YLPM1: variants seen among roughly 807,000 people sequenced by gnomAD.
YLPM1 encodes YLP motif containing 1.
A neutral mutation model predicts 230.0 loss-of-function variants in YLPM1; 99 were observed. The ratio of observed to expected loss-of-function variants is 0.43; its 90% CI spans 0.37 to 0.51. The LOEUF is 0.51. Among genes scored for constraint, YLPM1 ranks in the 20% least tolerant of loss-of-function variants. YLPM1 has a pLI of 0.00. For synonymous variants in YLPM1, 984 were observed against 942.5 expected (o/e 1.04, Z -0.81); for missense variants, 2,592 against 2,707.7 (o/e 0.96, Z 0.95).
rs749735355 is a variant in YLPM1, at chr14:74,835,876, G to GT, written c.*146dup. On this transcript the variant is annotated 3_prime_UTR_variant, in exon 21 of 21. Coordinates refer to ENST00000325680, the MANE Select transcript of YLPM1 (RefSeq NM_019589.3). ...TTCTTGTTTTGTTTCTACTGCTTTA[G>GT]TTTTTTTTAAAGTTCTCCAGTGTCC... The GT allele has an allele frequency of 3.7e-5, 17 of 455,764 alleles. No individual in the cohort carries two copies. The highest frequency in any genetic ancestry group is 2.0e-4 in the South Asian group (13 of 64,512). 28.2% of individuals were successfully genotyped at this position (455,764 alleles called of 1,614,324 possible).
In YLPM1 at chr14:74,795,703, A is replaced by AT. The variant is rs1207879408; in HGVS notation, c.2283-1872dup. Among the ~76,000 whole-genome samples the AT allele has an allele frequency of 3.3e-5, 5 of 152,220 alleles. No individual in the cohort carries two copies. The East Asian group carries it at 5.8e-4, about 18-fold the overall frequency. On this transcript the variant is annotated intron_variant, in intron 4 of 20. Coordinates refer to ENST00000325680, the MANE Select transcript of YLPM1 (RefSeq NM_019589.3). The stretch of plus-strand genomic sequence containing the variant: ...TTTAAACTTTTTGTCTCTGTCCACT[A>AT]TTTTTCTGCTAAAGCAATCTTTTAA...
chr14:74,812,855 ATTTC>A (rs1343427340), intron 11 of YLPM1, 73 bp downstream of exon 11: 17 of 1,486,238 alleles, frequency 1.1e-5, no homozygotes, highest in East Asian at 9.8e-5. Flanking sequence ...CCTGAAAAGA[ATTTC>A]TTTATTTTTC....
At chr14:74,788,835 C>CA (rs988775323) in intron 4 of YLPM1, among the ~76,000 whole-genome samples, 37 of 149,106 alleles carry the variant, frequency 2.5e-4, no homozygotes, top group African/African-American at 4.7e-4. Context: ...GATCCTGACT[C>CA]AAAAAAAAAG....
At chr14:74,832,143 A>G (rs180675890) in intron 19 of YLPM1, among the ~76,000 whole-genome samples, 13 of 152,358 alleles carry the variant, frequency 8.5e-5, no homozygotes, top group African/African-American at 2.4e-4. Flanking sequence ...TTATTTTTAC[A>G]GGAAAAAACA....
chr14:74,796,753 T>C (rs1276627468), intron 4 of YLPM1, among the ~76,000 whole-genome samples: 1 of 150,168 alleles, frequency 6.7e-6, no homozygotes, highest in Admixed American at 6.6e-5. Context: ...ACTGTTTCTT[T>C]TTTTTTTTTT....
intron 18 of YLPM1, 78 bp downstream of exon 18, chr14:74,824,385 C>G: frequency 2.1e-6 from 3 of 1,437,172 alleles, no homozygotes; most frequent in South Asian, 2.5e-5. Flanking sequence ...ATAAGAGGAA[C>G]AAATTTCCTA....
chr14:74,790,448 C>T (rs2091195097), intron 4 of YLPM1, among the ~76,000 whole-genome samples: 1 of 152,058 alleles, frequency 6.6e-6, no homozygotes, highest in African/African-American at 2.4e-5. Context: ...TAATATGTTT[C>T]TGCAAATAGT....
At chr14:74,805,007 C>T (rs997719626) in intron 6 of YLPM1, among the ~76,000 whole-genome samples, 1 of 149,988 alleles carries the variant, frequency 6.7e-6, no homozygotes, top group African/African-American at 2.4e-5. Flanking sequence ...TTTTAGATAA[C>T]TCCTTTTCTT....
At chr14:74,791,427 A>G (rs1215831212) in intron 4 of YLPM1, among the ~76,000 whole-genome samples, 1 of 152,154 alleles carries the variant, frequency 6.6e-6, no homozygotes, top group African/African-American at 2.4e-5. Context: ...AAAACAAAGC[A>G]CCCTACCCTT....
Position 74,781,775 on chromosome 14 carries a change from A to G in YLPM1, c.1732A>G (p.Met578Val), listed in dbSNP as rs2091096179. ...SLPTSVPPPGMPPSLSSAGPP... is the reference protein window; with the variant it reads ...SLPTSVPPPGVPPSLSSAGPP... ...ACCAACCTCTGTTCCCCCACCAGGG[A>G]TGCCTCCTTCTCTCTCTTCTGCAGG... Residue 578 changes from methionine to valine, a missense_variant, in exon 4 of 21, where the codon ATG becomes GTG. By Grantham distance (21) the Met-to-Val change is conservative. Transcript: ENST00000325680. 2.5e-6 allele frequency: 4 copies of G among 1,591,526 alleles called. No homozygotes were observed. In the African/African-American group the frequency reaches 4.4e-5, roughly 17 times the overall value.
intron 18 of YLPM1, chr14:74,827,907 G>A: frequency 4.1e-6 from 4 of 985,310 alleles, no homozygotes; most frequent in Non-Finnish European, 4.8e-6. Context: ...TTAGAAGACT[G>A]GATCTGTGGA....
chr14:74,812,588 C>G (rs768745667), intron 10 of YLPM1, 40 bp from the exon 11 acceptor site: 2 of 1,577,832 alleles, frequency 1.3e-6, no homozygotes, highest in Non-Finnish European at 8.6e-7. Flanking sequence ...AAAATAATTA[C>G]TCTACAAATA....
Position 74,781,404 on chromosome 14 carries a change from A to G in YLPM1, c.1361A>G (p.Glu454Gly), listed in dbSNP as rs752665257. The G allele has an allele frequency of 6.3e-7, 1 of 1,599,846 alleles. No individual in the cohort carries two copies. Among genetic ancestry groups the G allele is most frequent in the African/African-American group, 1.3e-5 (1 of 74,672 alleles). The change falls in exon 4 of 21, where the codon GAA becomes GGA. Residue 454 changes from glutamate (E) to glycine (G), a missense_variant. Around this residue, in one of 4 missense-constraint regions of YLPM1, gnomAD observed 1,862 missense variants for 1,819.8 expected, o/e 1.02. Coordinates refer to ENST00000325680, the MANE Select transcript of YLPM1 (RefSeq NM_019589.3). ...QQQQFQHLYQ[E>G]WEREFQLWEE... ...CAACAGTTTCAACATCTTTACCAAG[A>G]ATGGGAGCGAGAGTTTCAGCTATGG...
At chr14:74,804,038 T>G (rs2091353971) in intron 6 of YLPM1, among the ~76,000 whole-genome samples, 1 of 152,028 alleles carries the variant, frequency 6.6e-6, no homozygotes, top group Non-Finnish European at 1.5e-5. Flanking sequence ...ATGCCTGTAA[T>G]CCCAGCTACT....
Position 74,802,075 on chromosome 14 carries a change from G to A in YLPM1, c.4401-481G>A, listed in dbSNP as rs553055804. Among the ~76,000 whole-genome samples the A allele has an allele frequency of 7.9e-4, 120 of 152,052 alleles. 3 individuals are homozygous for A. In the South Asian group the frequency reaches 0.024, roughly 30 times the overall value. On this transcript the variant is annotated intron_variant, in intron 5 of 20. Coordinates refer to ENST00000325680, the MANE Select transcript of YLPM1 (RefSeq NM_019589.3). The stretch of plus-strand genomic sequence containing the variant: ...ACTAAAAAAATACAAATAATTAGCC[G>A]GGCGCGGTGGTGCATGCCTGTAGAC...
At chr14:74,794,134 G>A (rs1417470184) in intron 4 of YLPM1, among the ~76,000 whole-genome samples, 1 of 151,918 alleles carries the variant, frequency 6.6e-6, no homozygotes, top group Admixed American at 6.6e-5. Flanking sequence ...CAATGGGTTT[G>A]TAAAAGGTCA....
At chr14:74,764,512 C>T in intron 1 of YLPM1, 150 bp downstream of exon 1, 1 of 1,117,960 alleles carries the variant, frequency 8.9e-7, no homozygotes, top group South Asian at 1.9e-5. Context: ...GGGCTGACAG[C>T]TCAGCTTTTT....
At chr14:74,780,968 T>G (rs918242342) in intron 3 of YLPM1, among the ~76,000 whole-genome samples, 2 of 152,254 alleles carry the variant, frequency 1.3e-5, no homozygotes, top group African/African-American at 2.4e-5. Context: ...ATAAAGTGAC[T>G]TAGATACTTG....
intron 4 of YLPM1, among the ~76,000 whole-genome samples, chr14:74,785,568 T>C (rs1343914203): frequency 1.3e-5 from 2 of 152,226 alleles, no homozygotes; most frequent in African/African-American, 4.8e-5. Flanking sequence ...GAGGTAAGAA[T>C]AATCTATACT....
Sources: gnomAD v4.1 joint callset for allele counts (sites outside exome capture counted in the v4.1 genomes callset) on GRCh38, gnomAD v4.1.1 for gene constraint, gnomAD v4.1.1 regional missense constraint, MANE v1.5 for transcripts, NCBI Gene and HGNC (gene_info 2026-07-23, HGNC 2026-07-21) for gene names.